RHOJ: variants seen among roughly 807,000 people sequenced by gnomAD.
RHOJ encodes ras homolog family member J.
A neutral mutation model predicts 23.4 loss-of-function variants in RHOJ; 11 were observed. The observed-to-expected ratio is 0.47, with a 90% CI of 0.30 to 0.78. RHOJ has a LOEUF of 0.78. Ranked by LOEUF, RHOJ falls within the 30% of genes least tolerant of loss-of-function variation. The pLI is 0.08. For missense variants in RHOJ, 254 were observed against 273.4 expected, an observed-to-expected ratio of 0.93 and a Z score of 0.50; for synonymous variants, 102 against 102.7, an observed-to-expected ratio of 0.99 and a Z score of 0.04.
intron 2 of RHOJ, among the ~76,000 whole-genome samples, chr14:63,273,342 C>G (rs748618322): frequency 5.3e-4 from 81 of 152,208 alleles, no homozygotes; most frequent in Non-Finnish European, 4.4e-5. Flanking sequence ...TCATCCTGTA[C>G]GAGACATATC....
chr14:63,263,904 C>G (rs1481937696), intron 1 of RHOJ, among the ~76,000 whole-genome samples: 1 of 151,916 alleles, frequency 6.6e-6, no homozygotes, highest in Non-Finnish European at 1.5e-5. Flanking sequence ...CACAGCTGTT[C>G]CTCCCCCAGT....
intron 4 of RHOJ, among the ~76,000 whole-genome samples, chr14:63,287,900 G>A (rs1882130985): frequency 6.6e-6 from 1 of 152,076 alleles, no homozygotes; most frequent in Admixed American, 6.6e-5. Context: ...GCTGTAATAA[G>A]GGCCACATTT....
At chr14:63,270,573 AC>A (rs1006763176) in intron 2 of RHOJ, among the ~76,000 whole-genome samples, 1 of 152,120 alleles carries the variant, frequency 6.6e-6, no homozygotes, top group Non-Finnish European at 1.5e-5. Flanking sequence ...GATAACTCAT[AC>A]CCCAAACAGA....
chr14:63,228,163 AT>A (rs1259403234), intron 1 of RHOJ, among the ~76,000 whole-genome samples: 1 of 152,184 alleles, frequency 6.6e-6, no homozygotes, highest in Non-Finnish European at 1.5e-5. Flanking sequence ...ACAAGGTTTG[AT>A]ATGTTTCTCA....
intron 1 of RHOJ, among the ~76,000 whole-genome samples, chr14:63,210,603 T>G (rs564624867): frequency 6.6e-6 from 1 of 152,350 alleles, no homozygotes; most frequent in Admixed American, 6.5e-5. Flanking sequence ...TTTAGAGCTT[T>G]CACAGCTTAC....
chr14:63,265,006 G>C (rs1163958504), intron 1 of RHOJ, among the ~76,000 whole-genome samples: 2 of 152,036 alleles, frequency 1.3e-5, no homozygotes, highest in Non-Finnish European at 2.9e-5. Context: ...TTTTTGTTTT[G>C]CTGTGCAGAA....
At chr14:63,284,560 G>A (rs1272147152) in intron 4 of RHOJ, among the ~76,000 whole-genome samples, 2 of 152,168 alleles carry the variant, frequency 1.3e-5, no homozygotes, top group Non-Finnish European at 2.9e-5. Context: ...GTACCTGACC[G>A]TCACGTAAAT....
chr14:63,258,456 A>G (rs1428126334), intron 1 of RHOJ, among the ~76,000 whole-genome samples: 1 of 151,430 alleles, frequency 6.6e-6, no homozygotes, highest in Non-Finnish European at 1.5e-5. Flanking sequence ...TAAAATATAT[A>G]TATATATATA....
intron 1 of RHOJ, among the ~76,000 whole-genome samples, chr14:63,257,049 G>GCAACA (rs1216206193): frequency 1.1e-4 from 17 of 148,240 alleles, no homozygotes; most frequent in African/African-American, 2.2e-4. Context: ...TCCAGCCTGG[G>GCAACA]TGATAGAGCG....
chr14:63,235,322 A>G (rs546117357), intron 1 of RHOJ, among the ~76,000 whole-genome samples: 23 of 152,284 alleles, frequency 1.5e-4, no homozygotes, highest in Non-Finnish European at 2.8e-4. Context: ...AAAAAAAGCT[A>G]TTAAAGTCAT....
At chr14:63,280,285 A>C (rs1420030619) in intron 2 of RHOJ, among the ~76,000 whole-genome samples, 2 of 152,140 alleles carry the variant, frequency 1.3e-5, no homozygotes, top group Non-Finnish European at 2.9e-5. Context: ...TTGGCTTCCA[A>C]AGTGCTGGGA....
intron 1 of RHOJ, among the ~76,000 whole-genome samples, chr14:63,262,030 T>C (rs546090457): frequency 6.6e-5 from 10 of 152,322 alleles, no homozygotes; most frequent in African/African-American, 2.2e-4. Context: ...ATAATGCAGA[T>C]AGCTGGTTAT....
chr14:63,275,140 C>T (rs915581473), intron 2 of RHOJ, among the ~76,000 whole-genome samples: 2 of 152,004 alleles, frequency 1.3e-5, no homozygotes, highest in East Asian at 1.9e-4. Flanking sequence ...GGCAACATAG[C>T]GAGACCCTAT....
At chr14:63,218,870 T>C (rs1374087386) in intron 1 of RHOJ, among the ~76,000 whole-genome samples, 1 of 152,240 alleles carries the variant, frequency 6.6e-6, no homozygotes, top group Non-Finnish European at 1.5e-5. Context: ...AAGAAATGGC[T>C]TTGTGTCATC....
intron 1 of RHOJ, among the ~76,000 whole-genome samples, chr14:63,248,848 C>T (rs925958773): frequency 9.2e-5 from 14 of 152,196 alleles, no homozygotes; most frequent in African/African-American, 3.1e-4. Context: ...TCACAGTTCC[C>T]AGATGGCTCC....
At chr14:63,286,756 A>T (rs565099116) in intron 4 of RHOJ, among the ~76,000 whole-genome samples, 1 of 152,258 alleles carries the variant, frequency 6.6e-6, no homozygotes, top group South Asian at 2.1e-4. Context: ...CCACCACTCC[A>T]TATTATCCTA....
At chr14:63,268,214 A>AT (rs151189702) in intron 1 of RHOJ, among the ~76,000 whole-genome samples, 16 of 150,068 alleles carry the variant, frequency 1.1e-4, no homozygotes, top group East Asian at 3.9e-4. Context: ...AAGCGATTCA[A>AT]TTTTTTTTTT....
At chr14:63,277,819 T>C (rs1370362009) in intron 2 of RHOJ, among the ~76,000 whole-genome samples, 1 of 152,102 alleles carries the variant, frequency 6.6e-6, no homozygotes, top group Non-Finnish European at 1.5e-5. Context: ...TTACAGCTGC[T>C]CTTTAAGGGA....
intron 1 of RHOJ, among the ~76,000 whole-genome samples, chr14:63,239,950 G>A (rs919743789): frequency 1.3e-5 from 2 of 152,182 alleles, no homozygotes; most frequent in African/African-American, 4.8e-5. Flanking sequence ...AACTTGTGTG[G>A]ATGTCTGAAT....
Sources: gnomAD v4.1 joint callset for allele counts (sites outside exome capture counted in the v4.1 genomes callset) on GRCh38, gnomAD v4.1.1 for gene constraint, MANE v1.5 for transcripts, NCBI Gene and HGNC (gene_info 2026-07-23, HGNC 2026-07-21) for gene names.